The following PRF1 variants were observed in gnomAD, a reference collection of about 807,000 sequenced individuals.
PRF1 encodes the protein perforin 1.
In PRF1, 11 loss-of-function variants were observed where a neutral mutation model predicts 11.7. The ratio of observed to expected loss-of-function variants is 0.94; its 90% CI spans 0.59 to 1.56. PRF1 has a LOEUF of 1.56. PRF1 is among the 40% of genes most tolerant of loss of function. The probability of loss-of-function intolerance (pLI) is 0.00; values close to 1 mark genes in which losing one functional copy is unlikely to be tolerated. For synonymous variants in PRF1, 314 were observed against 327.8 expected (o/e 0.96, Z 0.45); for missense variants, 729 against 751.0 (o/e 0.97, Z 0.34).
In PRF1 at chr10:70,598,142, G is replaced by A; in HGVS notation, c.1579C>T (p.Pro527Ser). ...AGGCAGGTGCCTCCTCCCAGGTGGG[G>A]CAAGCACCTGGCATGATAGCGGAAT... ...LKFRYHARCL[P>S]HLGGGTCLDY... The change falls in exon 3 of 3, where the codon CCC becomes TCC. Residue 527 changes from proline (P) to serine (S), a missense_variant. Transcript: ENST00000441259. The A allele has an allele frequency of 2.5e-6, 4 of 1,614,182 alleles. No individual in the cohort carries two copies. Among genetic ancestry groups the A allele is most frequent in the Non-Finnish European group, 3.4e-6 (4 of 1,180,040 alleles).
At position 70,600,937 on chromosome 10, in the gene PRF1, G is replaced by GA; in HGVS notation, c.-30-6dup. 1.3e-6 allele frequency: 2 copies of GA among 1,554,334 alleles called. No individual in the cohort carries two copies. The highest frequency in any genetic ancestry group is 1.7e-6 in the Non-Finnish European group (2 of 1,151,276). ...GAGACAGGGGGCACTTGGGCTCTGG[G>GA]AAGCCATGGGTGGAGGGATGGAGGA... On this transcript the variant is annotated splice_region_variant and splice_polypyrimidine_tract_variant and intron_variant, in intron 1 of 2. Coordinates refer to ENST00000441259, the MANE Select transcript of PRF1 (RefSeq NM_001083116.3). This position sits in a 1 kb window ranked among gnomAD's most constrained non-coding sequence, Gnocchi z 4.9.
rs774503938 is a variant in PRF1 at position 70,600,373 on chromosome 10, C to T, written c.530G>A (p.Arg177His). The change falls in exon 2 of 3, where the codon CGC (arginine) becomes CAC (histidine). Residue 177 changes from arginine (R) to histidine (H), a missense_variant. Coordinates refer to ENST00000441259, the MANE Select transcript of PRF1 (RefSeq NM_001083116.3). This position sits in a 1 kb window ranked among gnomAD's most constrained non-coding sequence, Gnocchi z 4.9. ...TAGCCCCAGCTCTCACCTGTAGAAG[C>T]GGCACTCCACCGTGTCAGTGCTGAA... ...YSFSTDTVEC[R>H]FYSFHVVHTP... The T allele has an allele frequency of 3.7e-5, 60 of 1,613,930 alleles. No individual in the cohort carries two copies. The highest frequency in any genetic ancestry group is 4.7e-5 in the Non-Finnish European group (56 of 1,180,030).
chr10:70,599,838 A>G (rs963452696), intron 2 of PRF1, among the ~76,000 whole-genome samples: 1 of 152,182 alleles, frequency 6.6e-6, no homozygotes, highest in Non-Finnish European at 1.5e-5. Flanking sequence ...CAGACGTGGA[A>G]TATGGGTCCC....
Position 70,599,188 on chromosome 10 carries a change from G to A in PRF1, c.540-7C>T. On this transcript the variant is annotated splice_region_variant and splice_polypyrimidine_tract_variant and intron_variant, in intron 2 of 2. Coordinates refer to ENST00000441259, the MANE Select transcript of PRF1 (RefSeq NM_001083116.3). ...AGTGTGTACCACATGGAAACTGCGA[G>A]AAGAGAGAGACCTCAGCTGGGCCCA... The A allele has an allele frequency of 1.2e-6, 2 of 1,614,146 alleles. No homozygotes were observed.
rs773688959 is a variant in PRF1 at position 70,598,533 on chromosome 10, C to T, written c.1188G>A (p.Val396=). Residue 396 remains valine, a synonymous_variant, in exon 3 of 3, where the codon GTG becomes GTA. Transcript: ENST00000441259. The part of the protein sequence containing the change: ...QKSPRDPCQC[V]CHGSAVTTQD... ...GGGTGGTGACCGCTGAGCCATGGCA[C>T]ACACACTGGCATGGGTCTCGGGGGC... 19 of 1,613,218 alleles carry T rather than the reference C, an allele frequency of 1.2e-5. No homozygotes were observed. The highest frequency in any genetic ancestry group is 6.7e-5 in the Admixed American group (4 of 59,988).
chr10:70,599,136 C>T lies in PRF1; in HGVS notation c.585G>A (p.Arg195=), dbSNP rs1417377281. Residue 195 remains arginine (R), a synonymous_variant, in exon 3 of 3, where the codon AGG becomes AGA. Coordinates refer to ENST00000441259, the MANE Select transcript of PRF1 (RefSeq NM_001083116.3). The stretch of plus-strand genomic sequence containing the variant: ...AGTGGTGGGGCAGGTCCCCGAGGGC[C>T]CTCTTGAAGTCAGGGTGCAGCGGGG... ...HTPPLHPDFK[R]ALGDLPHHFN... 2 of 1,614,052 alleles carry T rather than the reference C, an allele frequency of 1.2e-6. No homozygotes were observed. The highest frequency in any genetic ancestry group is 8.5e-7 in the Non-Finnish European group (1 of 1,180,032).
chr10:70,598,725 C>A lies in PRF1; in HGVS notation c.996G>T (p.Leu332=). The change falls in exon 3 of 3, where the codon CTG becomes CTT. Residue 332 remains leucine, a synonymous_variant. Coordinates refer to ENST00000441259, the MANE Select transcript of PRF1 (RefSeq NM_001083116.3). ...AGTCCACCAGGCCAGGGCTGCCGGGCAGCGAGTTTACCCAGGCTGAGTACT... is the reference window on the plus strand; with the variant it reads ...AGTCCACCAGGCCAGGGCTGCCGGGAAGCGAGTTTACCCAGGCTGAGTACT... ...PEQYSAWVNS[L]PGSPGLVDYT... is the part of the protein sequence containing the mutation. 2 of 1,614,230 alleles carry A rather than the reference C, an allele frequency of 1.2e-6. No homozygotes were observed. Among genetic ancestry groups the A allele is most frequent in the Non-Finnish European group, 1.7e-6 (2 of 1,180,050 alleles).
rs1397740000 is a variant in PRF1 at position 70,600,330 on chromosome 10, T to C, written c.539+34A>G. The C allele has an allele frequency of 1.3e-5, 21 of 1,613,080 alleles. No homozygotes were observed. The highest frequency in any genetic ancestry group is 1.7e-5 in the Non-Finnish European group (20 of 1,179,850). On this transcript the variant is annotated intron_variant, in intron 2 of 2. Transcript: ENST00000441259. This position sits in a 1 kb window ranked among gnomAD's most constrained non-coding sequence, Gnocchi z 4.9. Reference sequence around the variant, plus strand: ...AGACCACCCAGAGTTTCCCGCGCCTTTTCCAGCCCCCCACCCCTAGCCCCA... The same window carrying C: ...AGACCACCCAGAGTTTCCCGCGCCTCTTCCAGCCCCCCACCCCTAGCCCCA...
intron 1 of PRF1, among the ~76,000 whole-genome samples, chr10:70,601,812 G>C (rs921343275): frequency 9.6e-4 from 1 of 1,038 alleles, no homozygotes; most frequent in African/African-American, 3.5e-3. Flanking sequence ...CTGGGTGATA[G>C]AGTAAGACTC....
chr10:70,600,429 T>C lies in PRF1; in HGVS notation c.474A>G (p.Ala158=). ...ACTGGTCCTGGTGGGTCTTCTGGGCTGCAAAGTTGGCTGCCTGTGAGTGTG... is the reference window on the plus strand; with the variant it reads ...ACTGGTCCTGGTGGGTCTTCTGGGCCGCAAAGTTGGCTGCCTGTGAGTGTG... ...AGSHSQAANF[A]AQKTHQDQYS... The change falls in exon 2 of 3, where the codon GCA becomes GCG. Residue 158 remains alanine (A), a synonymous_variant. Transcript: ENST00000441259. This position sits in a 1 kb window ranked among gnomAD's most constrained non-coding sequence, Gnocchi z 4.9. 6.2e-7 allele frequency: 1 copy of C among 1,614,206 alleles called. No individual in the cohort carries two copies. Among genetic ancestry groups the C allele is most frequent in the Non-Finnish European group, 8.5e-7 (1 of 1,180,036 alleles).
In PRF1 at chr10:70,598,890, C is replaced by G. The variant is rs773317614; in HGVS notation, c.831G>C (p.Lys277Asn). The G allele has an allele frequency of 6.2e-7, 1 of 1,614,258 alleles. No homozygotes were observed. Among genetic ancestry groups the G allele is most frequent in the Non-Finnish European group, 8.5e-7 (1 of 1,180,040 alleles). ...GIHGSISAEA[K>N]ACEEKKKKHK... ...GCTTCTTCTTCTTCTCCTCACAGGC[C>G]TTGGCTTCGGCAGAGATGCTGCCGT... Residue 277 changes from lysine (K) to asparagine (N), a missense_variant, in exon 3 of 3, where the codon AAG becomes AAC. Transcript: ENST00000441259.
chr10:70,601,988 T>C (rs1848238976), intron 1 of PRF1, among the ~76,000 whole-genome samples: 1 of 152,096 alleles, frequency 6.6e-6, no homozygotes, highest in African/African-American at 2.4e-5. Flanking sequence ...GGCCCCCCTA[T>C]TGCCTACTAT....
rs1370872878 is a variant in PRF1, at chr10:70,598,157, G to T, written c.1564C>A (p.His522Asn). The T allele has an allele frequency of 2.5e-6, 4 of 1,614,210 alleles. No individual in the cohort carries two copies. In the South Asian group the frequency reaches 4.4e-5, roughly 18 times the overall value. ...CCCAGGTGGGGCAAGCACCTGGCAT[G>T]ATAGCGGAATTTTAGGTGGCCATGA... ...LNHGHLKFRY[H>N]ARCLPHLGGG... is the part of the protein sequence containing the mutation. The change falls in exon 3 of 3, where the codon CAT becomes AAT. Residue 522 changes from histidine (H) to asparagine (N), a missense_variant. Physicochemically the swap from His to Asn is moderately conservative, Grantham distance 68 (BLOSUM62 1). Transcript: ENST00000441259.
rs1848223259 is a variant in PRF1 at position 70,600,994 on chromosome 10, A to T, written c.-30-62T>A. ...CTCCCTTCCCCCACAGCCACAGATT[A>T]TCAGGGCACATGGAAGGGGAGGGGC... On this transcript the variant is annotated intron_variant, in intron 1 of 2. Coordinates refer to ENST00000441259, the MANE Select transcript of PRF1 (RefSeq NM_001083116.3). The surrounding 1 kb of genome is among the most constrained non-coding windows in gnomAD (Gnocchi z 4.9). 1 of 1,527,606 alleles carries T rather than the reference A, an allele frequency of 6.5e-7. No homozygotes were observed. Among genetic ancestry groups the T allele is most frequent in the Non-Finnish European group, 8.8e-7 (1 of 1,141,246 alleles). The allele number at this position is 1,527,606 out of a possible 1,614,324, so 94.6% of individuals were successfully genotyped here. A position where few individuals can be genotyped will look rare whatever the true frequency, so the allele number is the denominator to read the frequency against.
intron 1 of PRF1, among the ~76,000 whole-genome samples, chr10:70,601,840 A>AAAAAAAAAAAAGAGAAAAAAAAAAAAG (rs55649452): frequency 5.1e-5 from 5 of 97,760 alleles, no homozygotes; most frequent in South Asian, 3.6e-4. Context: ...AAAAAAAAAA[A>AAAAAAAAAAAAGAGAAAAAAAAAAAAG]AAAAAGGGGC....
rs933988511 is a variant in PRF1, at chr10:70,597,898, G to C, written c.*155C>G. 7.6e-5 allele frequency: 68 copies of C among 891,910 alleles called. No individual in the cohort carries two copies. The highest frequency in any genetic ancestry group is 1.1e-4 in the Non-Finnish European group (66 of 583,250). The allele number at this position is 891,910 out of a possible 1,614,324, so 55.2% of individuals were successfully genotyped here. A position where few individuals can be genotyped will look rare whatever the true frequency, so the allele number is the denominator to read the frequency against. ...CTCATAATGTTTTAAGAAAGTTTGC[G>C]AATTTGCGTTGGGCCGCATTCAAAG... On this transcript the variant is annotated 3_prime_UTR_variant, in exon 3 of 3. Coordinates refer to ENST00000441259, the MANE Select transcript of PRF1 (RefSeq NM_001083116.3).
rs1848178017 is a variant in PRF1, at chr10:70,598,936, G to A, written c.785C>T (p.Ala262Val). ...GCCGTGGATGCCTATGTTGACCTGG[G>A]CCTCGACAGTCAGGCAGTCCTCCAC... ...NEVEDCLTVE[A>V]QVNIGIHGSI... The change falls in exon 3 of 3, where the codon GCC becomes GTC. Residue 262 changes from alanine (A) to valine (V), a missense_variant. Transcript: ENST00000441259. The A allele has an allele frequency of 6.2e-7, 1 of 1,614,136 alleles. No individual in the cohort carries two copies. The highest frequency in any genetic ancestry group is 1.3e-5 in the African/African-American group (1 of 74,942).
intron 1 of PRF1, among the ~76,000 whole-genome samples, chr10:70,602,013 T>C (rs913916466): frequency 6.6e-6 from 1 of 152,142 alleles, no homozygotes; most frequent in Non-Finnish European, 1.5e-5. Context: ...AATGATTGTC[T>C]GGAAGGTTCT....
Position 70,598,549 on chromosome 10 carries a change from T to A in PRF1, c.1172A>T (p.Asp391Val), listed in dbSNP as rs771647131. Residue 391 changes from aspartate to valine, a missense_variant, in exon 3 of 3, where the codon GAC (aspartate) becomes GTC (valine). Transcript: ENST00000441259. ...GCCATGGCACACACACTGGCATGGG[T>A]CTCGGGGGCTCTTCTGCCGCCCTGG... ...CPPGRQKSPRDPCQCVCHGSA... is the reference protein window; with the variant it reads ...CPPGRQKSPRVPCQCVCHGSA... 1.2e-6 allele frequency: 2 copies of A among 1,612,836 alleles called. No homozygotes were observed. Among genetic ancestry groups the A allele is most frequent in the Admixed American group, 3.3e-5 (2 of 59,980 alleles).
Sources: gnomAD v4.1 joint callset for allele counts (sites outside exome capture counted in the v4.1 genomes callset) on GRCh38, gnomAD v4.1.1 for gene constraint, Gnocchi (gnomAD v3.1) non-coding constraint, MANE v1.5 for transcripts, NCBI Gene and HGNC (gene_info 2026-07-23, HGNC 2026-07-21) for gene names.